PTK2: variants seen among roughly 807,000 people sequenced by gnomAD.
The protein encoded by PTK2 is focal adhesion kinase 1.
A neutral mutation model predicts 150.1 loss-of-function variants in PTK2; 45 were observed. That is an observed-to-expected ratio of 0.30 (90% confidence interval 0.24 to 0.38). The LOEUF (loss-of-function observed/expected upper bound fraction) is 0.38, where lower values mean the gene tolerates loss of function less well. Among genes scored for constraint, PTK2 ranks in the 10% least tolerant of loss-of-function variants. PTK2 has a pLI of 1.00. For missense variants in PTK2, 919 were observed against 1,307.3 expected (o/e 0.70, Z 4.58); for synonymous variants, 432 against 449.2 (o/e 0.96, Z 0.48).
At chr8:140,945,637 T>C (rs989997335) in intron 1 of PTK2, among the ~76,000 whole-genome samples, 3 of 152,208 alleles carry the variant, frequency 2.0e-5, no homozygotes, top group Non-Finnish European at 4.4e-5. Flanking sequence ...AACATTCTGA[T>C]TGTCACAATT....
intron 16 of PTK2, among the ~76,000 whole-genome samples, chr8:140,759,551 A>AAAAAAAAAAAAAAAAAAAAAAAAG (rs2100068073): frequency 2.7e-5 from 4 of 150,456 alleles, no homozygotes; most frequent in African/African-American, 9.8e-5. Flanking sequence ...AAAAAAAAAA[A>AAAAAAAAAAAAAAAAAAAAAAAAG]AAAGAAAGAA....
intron 23 of PTK2, among the ~76,000 whole-genome samples, chr8:140,711,759 C>T (rs536026040): frequency 3.9e-5 from 6 of 152,266 alleles, no homozygotes; most frequent in East Asian, 1.9e-4. Context: ...CTGGCTATGC[C>T]ACCGTGTCTC....
intron 5 of PTK2, among the ~76,000 whole-genome samples, chr8:140,857,036 T>A (rs778683448): frequency 7.9e-5 from 12 of 152,148 alleles, no homozygotes; most frequent in Non-Finnish European, 1.8e-4. Context: ...CATAATACAA[T>A]GTCGTAGAAA....
chr8:140,761,556 T>C lies in PTK2; in HGVS notation c.1235-294A>G, dbSNP rs371036323. 2.7e-4 allele frequency among the ~76,000 whole-genome samples: 41 copies of C among 152,272 alleles called. 1 individual carries two copies. Among genetic ancestry groups the C allele is most frequent in the African/African-American group, 9.4e-4 (39 of 41,588 alleles). ...GATTTATTTTATATCTATTTGATAG[T>C]TTTCTAAATAATTGCCCCAACTATT... On this transcript the variant is annotated intron_variant, in intron 15 of 31. Coordinates refer to ENST00000522684, the Ensembl canonical transcript of PTK2.
At chr8:140,974,440 CGTCA>C (rs1263397283) in intron 1 of PTK2, among the ~76,000 whole-genome samples, 1 of 152,154 alleles carries the variant, frequency 6.6e-6, no homozygotes, top group Non-Finnish European at 1.5e-5. Context: ...ATTCCATGCC[CGTCA>C]GTCTCCAGCT....
At chr8:140,794,946 G>A (rs534609851) in intron 12 of PTK2, among the ~76,000 whole-genome samples, 8 of 152,260 alleles carry the variant, frequency 5.3e-5, no homozygotes, top group Admixed American at 4.6e-4. Context: ...CTGAGTCCTG[G>A]TGGGTGCACC....
At chr8:140,674,400 A>G (rs771106148) in exon 29 of PTK2, 1 of 1,590,890 alleles carries the variant, frequency 6.3e-7, no homozygotes, top group Non-Finnish European at 8.6e-7. Flanking sequence ...GTGGAGCTGC[A>G]GGATCTGGTG....
At chr8:140,966,813 A>G (rs186206628) in intron 1 of PTK2, among the ~76,000 whole-genome samples, 5 of 152,232 alleles carry the variant, frequency 3.3e-5, no homozygotes, top group Admixed American at 6.5e-5. Flanking sequence ...GTATAAATAG[A>G]TGCTTGGGCT....
At chr8:140,750,387 C>T (rs1026258435) in intron 17 of PTK2, 2 of 152,196 alleles carry the variant, frequency 1.3e-5, no homozygotes, top group Admixed American at 6.6e-5. Flanking sequence ...AAACATGGTC[C>T]TTATCCCCAG....
chr8:140,942,362 C>G (rs978896980), intron 1 of PTK2, among the ~76,000 whole-genome samples: 13 of 152,136 alleles, frequency 8.5e-5, no homozygotes, highest in Non-Finnish European at 1.8e-4. Context: ...ACTTGAGCAA[C>G]AAATACTAAA....
chr8:140,887,651 T>A (rs1434888612), intron 3 of PTK2, among the ~76,000 whole-genome samples: 1 of 152,128 alleles, frequency 6.6e-6, no homozygotes, highest in African/African-American at 2.4e-5. Flanking sequence ...AGCAGAAATA[T>A]AATGCAAGCC....
chr8:140,944,969 G>A (rs185410205), intron 1 of PTK2, among the ~76,000 whole-genome samples: 78 of 152,184 alleles, frequency 5.1e-4, no homozygotes, highest in African/African-American at 1.5e-3. Context: ...CCATATAGAC[G>A]AAAGTTGTGC....
At chr8:140,881,091 C>A (rs1215868818) in intron 3 of PTK2, among the ~76,000 whole-genome samples, 1 of 152,198 alleles carries the variant, frequency 6.6e-6, no homozygotes, top group East Asian at 1.9e-4. Flanking sequence ...CTCATCAGGA[C>A]AGGAAGGATG....
chr8:140,920,666 G>T, intron 2 of PTK2: 1 of 723,226 alleles, frequency 1.4e-6, no homozygotes, highest in Non-Finnish European at 2.0e-6. Flanking sequence ...TTATGTAATA[G>T]CTGTAAACCC....
intron 17 of PTK2, among the ~76,000 whole-genome samples, chr8:140,747,748 G>A (rs1653109796): frequency 9.4e-6 from 1 of 106,796 alleles, no homozygotes; most frequent in Admixed American, 8.9e-5. Context: ...TAGGAGGAGG[G>A]GGAGGAAGGA....
intron 1 of PTK2, among the ~76,000 whole-genome samples, chr8:140,927,958 G>GAAAAAAAAAAAA (rs57931737): frequency 7.9e-5 from 5 of 63,634 alleles, no homozygotes; most frequent in African/African-American, 1.3e-4. Flanking sequence ...AAAAAAAAAA[G>GAAAAAAAAAAAA]AAAAAAAAAA....
intron 1 of PTK2, among the ~76,000 whole-genome samples, chr8:141,000,719 C>G (rs2100199847): frequency 6.8e-6 from 1 of 147,702 alleles, no homozygotes; most frequent in Admixed American, 6.7e-5. Context: ...CGTCCCCCAG[C>G]CTTTCTGTCT....
chr8:140,886,112 G>A (rs2100152174), intron 3 of PTK2, among the ~76,000 whole-genome samples: 1 of 152,164 alleles, frequency 6.6e-6, no homozygotes, highest in Admixed American at 6.5e-5. Flanking sequence ...AAGATAATGT[G>A]GACAGGATTA....
rs545558686 is a variant in PTK2, at chr8:140,797,341, A to G, written c.1093+3118T>C. 6.8e-4 allele frequency among the ~76,000 whole-genome samples: 103 copies of G among 152,324 alleles called. 1 individual carries two copies. The highest frequency in any genetic ancestry group is 5.3e-4 in the Non-Finnish European group (36 of 68,016). ...AAATGAGAAATTTTAATTATTTATT[A>G]TATGTGTCATAATATTTTCCCCTGT... On this transcript the variant is annotated intron_variant, in intron 12 of 31. Coordinates refer to ENST00000522684, the Ensembl canonical transcript of PTK2.
Sources: gnomAD v4.1 joint callset for allele counts (sites outside exome capture counted in the v4.1 genomes callset) on GRCh38, gnomAD v4.1.1 for gene constraint, MANE v1.5 for transcripts, NCBI Gene and HGNC (gene_info 2026-07-23, HGNC 2026-07-21) for gene names.